NPFFR2: variants seen among roughly 807,000 people sequenced by gnomAD.
NPFFR2 encodes the protein neuropeptide FF receptor 2, also known as G-protein coupled receptor 74.
A neutral mutation model predicts 13.1 loss-of-function variants in NPFFR2; 15 were observed. That is an observed-to-expected ratio of 1.15 (90% CI 0.77 to 1.76). The LOEUF (loss-of-function observed/expected upper bound fraction) is 1.76. NPFFR2 is among the 40% of genes most tolerant of loss of function. The pLI is 0.00. For missense variants in NPFFR2, 572 were observed against 503.5 expected (o/e 1.14, Z -1.30); for synonymous variants, 190 against 175.7 (o/e 1.08, Z -0.65).
intron 1 of NPFFR2, among the ~76,000 whole-genome samples, chr4:72,063,626 G>T (rs1719986273): frequency 6.6e-6 from 1 of 152,138 alleles, no homozygotes; most frequent in African/African-American, 2.4e-5. Flanking sequence ...AAAAATAAAA[G>T]TTCTTTTCAG....
intron 1 of NPFFR2, among the ~76,000 whole-genome samples, chr4:72,086,097 T>G (rs1720763048): frequency 6.6e-6 from 1 of 152,092 alleles, no homozygotes; most frequent in Admixed American, 6.6e-5. Flanking sequence ...GGATAGAAGA[T>G]TACTAAATAC....
chr4:72,068,751 G>A (rs1720152647), intron 1 of NPFFR2, among the ~76,000 whole-genome samples: 1 of 151,924 alleles, frequency 6.6e-6, no homozygotes, highest in Non-Finnish European at 1.5e-5. Context: ...ATGGATTCAG[G>A]TGAGACCGCA....
intron 1 of NPFFR2, among the ~76,000 whole-genome samples, chr4:72,059,455 A>G (rs1232891837): frequency 5.3e-5 from 8 of 152,090 alleles, no homozygotes; most frequent in Admixed American, 5.2e-4. Context: ...AATTTGCAGT[A>G]AGTCCCTGTC....
At chr4:72,051,232 G>A (rs1578423053) in intron 1 of NPFFR2, among the ~76,000 whole-genome samples, 1 of 151,904 alleles carries the variant, frequency 6.6e-6, no homozygotes, top group Admixed American at 6.6e-5. Context: ...CCCACCAACA[G>A]TGTAAATGGA....
chr4:72,070,273 C>G (rs1360250016), intron 1 of NPFFR2, among the ~76,000 whole-genome samples: 1 of 152,162 alleles, frequency 6.6e-6, no homozygotes, highest in African/African-American at 2.4e-5. Context: ...GAGTAACCCA[C>G]ACTATTTATT....
At chr4:72,078,486 C>T (rs1164721278) in intron 1 of NPFFR2, among the ~76,000 whole-genome samples, 1 of 152,054 alleles carries the variant, frequency 6.6e-6, no homozygotes, top group African/African-American at 2.4e-5. Context: ...GAAGACTCCC[C>T]AAATGGATCT....
intron 1 of NPFFR2, among the ~76,000 whole-genome samples, chr4:72,122,518 C>T (rs1721912968): frequency 6.6e-6 from 1 of 152,182 alleles, no homozygotes; most frequent in South Asian, 2.1e-4. Flanking sequence ...TACTCCTCAG[C>T]AAATGCAAAA....
chr4:72,038,901 C>CTTTT (rs34623356), intron 1 of NPFFR2, among the ~76,000 whole-genome samples: 1,459 of 86,660 alleles, frequency 0.017, 27 homozygotes, highest in East Asian at 0.031. Flanking sequence ...TTTAAATTTC[C>CTTTT]TTTCTTTTTT....
At chr4:72,119,270 A>G (rs188990357) in intron 1 of NPFFR2, among the ~76,000 whole-genome samples, 42 of 152,326 alleles carry the variant, frequency 2.8e-4, no homozygotes, top group African/African-American at 9.6e-4. Flanking sequence ...TATGTTGTAC[A>G]TAGATTGTTA....
At chr4:72,145,532 A>G (rs901777455) in intron 3 of NPFFR2, among the ~76,000 whole-genome samples, 1 of 152,150 alleles carries the variant, frequency 6.6e-6, no homozygotes, top group African/African-American at 2.4e-5. Flanking sequence ...AGCAAAATAC[A>G]TACGTTTGTG....
At chr4:72,094,985 A>C (rs924053069) in intron 1 of NPFFR2, among the ~76,000 whole-genome samples, 7 of 152,126 alleles carry the variant, frequency 4.6e-5, no homozygotes, top group Admixed American at 2.0e-4. Context: ...TTACCCACTC[A>C]TTTATTTGCT....
chr4:72,123,242 AT>A lies in NPFFR2; in HGVS notation c.-7-5342del. 1.3e-5 allele frequency among the ~76,000 whole-genome samples: 2 copies of A among 152,340 alleles called. 1 individual carries two copies. The highest frequency in any genetic ancestry group is 2.9e-5 in the Non-Finnish European group (2 of 68,030). On this transcript the variant is annotated intron_variant, in intron 1 of 3. Transcript: ENST00000308744. Reference sequence around the variant, plus strand: ...AGAAGTTGAATCCCTGAACAGACCAATAACAAGTTCTGAAACTGAGGCAGTA... The same window carrying A: ...AGAAGTTGAATCCCTGAACAGACCAAAACAAGTTCTGAAACTGAGGCAGTA...
chr4:72,143,318 A>T (rs1722688238), intron 3 of NPFFR2, among the ~76,000 whole-genome samples: 1 of 152,216 alleles, frequency 6.6e-6, no homozygotes, highest in Non-Finnish European at 1.5e-5. Context: ...GATATTATTC[A>T]GTCCAAGTCC....
chr4:72,147,975 A>G lies in NPFFR2; in HGVS notation c.*163A>G. On this transcript the variant is annotated 3_prime_UTR_variant, in exon 4 of 4. Coordinates refer to ENST00000308744, the MANE Select transcript of NPFFR2 (RefSeq NM_004885.3). ...TTAAAAATAAACAAAAATGGTCATA[A>G]GATCATAAACAATCTTATGTTGTAT... The G allele has an allele frequency of 1.8e-6, 1 of 559,944 alleles. No individual in the cohort carries two copies. The allele number at this position is 559,944 out of a possible 1,614,324, so 34.7% of individuals were successfully genotyped here. A position where few individuals can be genotyped will look rare whatever the true frequency, so the allele number is the denominator to read the frequency against.
chr4:72,054,935 C>T (rs1293403192), intron 1 of NPFFR2, among the ~76,000 whole-genome samples: 1 of 151,754 alleles, frequency 6.6e-6, no homozygotes, highest in African/African-American at 2.4e-5. Context: ...ATATCATCCC[C>T]AAGGTAGCAA....
chr4:72,074,538 C>A (rs1720368986), intron 1 of NPFFR2, among the ~76,000 whole-genome samples: 1 of 151,942 alleles, frequency 6.6e-6, no homozygotes, highest in Admixed American at 6.6e-5. Context: ...GTAGGAAAAA[C>A]CATAATGTAT....
intron 1 of NPFFR2, among the ~76,000 whole-genome samples, chr4:72,044,963 C>T (rs150086388): frequency 6.6e-6 from 1 of 152,188 alleles, no homozygotes; most frequent in East Asian, 1.9e-4. Flanking sequence ...CATAAAATCT[C>T]TGCCTAGACA....
chr4:72,088,693 T>C (rs547517477), intron 1 of NPFFR2, among the ~76,000 whole-genome samples: 1 of 150,576 alleles, frequency 6.6e-6, no homozygotes, highest in African/African-American at 2.4e-5. Context: ...AGAGAGAGAG[T>C]AAAGGAGGGA....
chr4:72,037,272 C>G (rs1719063506), intron 1 of NPFFR2, among the ~76,000 whole-genome samples: 1 of 151,418 alleles, frequency 6.6e-6, no homozygotes, highest in Non-Finnish European at 1.5e-5. Context: ...GTGGTACATA[C>G]CTGTAGTTCT....
Sources: gnomAD v4.1 joint callset for allele counts (sites outside exome capture counted in the v4.1 genomes callset) on GRCh38, gnomAD v4.1.1 for gene constraint, MANE v1.5 for transcripts, NCBI Gene and HGNC (gene_info 2026-07-23, HGNC 2026-07-21) for gene names.